Variants in TXLNA observed in about 807,000 individuals in gnomAD.
TXLNA encodes alpha-taxilin.
Under a neutral mutation model 61.4 loss-of-function variants are expected in TXLNA, and 9 were observed. The observed-to-expected ratio is 0.15, with a 90% CI of 0.09 to 0.26. The LOEUF (loss-of-function observed/expected upper bound fraction) is 0.26. TXLNA is among the 10% of genes least tolerant of loss of function. TXLNA has a pLI of 1.00. For synonymous variants in TXLNA, 257 were observed against 267.7 expected, an observed-to-expected ratio of 0.96 and a Z score of 0.39; for missense variants, 565 against 688.8, an observed-to-expected ratio of 0.82 and a Z score of 2.01.
chr1:32,184,142 A>G (rs1331363029), intron 3 of TXLNA, among the ~76,000 whole-genome samples: 4 of 152,206 alleles, frequency 2.6e-5, no homozygotes, highest in African/African-American at 9.6e-5. Flanking sequence ...TCCTACCTCT[A>G]TCAGGAGGGT....
chr1:32,187,984 A>G lies in TXLNA; in HGVS notation c.628A>G (p.Met210Val). The G allele has an allele frequency of 9.3e-6, 15 of 1,613,946 alleles. No individual in the cohort carries two copies. The highest frequency in any genetic ancestry group is 1.2e-5 in the Non-Finnish European group (14 of 1,179,912). Residue 210 changes from methionine to valine, a missense_variant, in exon 5 of 11, where the codon ATG becomes GTG. By Grantham distance (21) the Met-to-Val change is conservative. Around this residue, in one of 2 missense-constraint regions of TXLNA, gnomAD observed 373 missense variants for 504.0 expected, o/e 0.74. Coordinates refer to ENST00000373610, the MANE Select transcript of TXLNA (RefSeq NM_175852.4). ...LEEHRNSQKQMKLLQKKQSQL... is the reference protein window; with the variant it reads ...LEEHRNSQKQVKLLQKKQSQL... The stretch of plus-strand genomic sequence containing the variant: ...GGAGCACCGGAATTCACAGAAGCAG[A>G]TGAAGCTCCTACAGAAAAAGCAGAG...
intron 3 of TXLNA, among the ~76,000 whole-genome samples, chr1:32,183,860 C>T (rs964374288): frequency 3.3e-5 from 5 of 152,050 alleles, no homozygotes; most frequent in Admixed American, 2.0e-4. Flanking sequence ...CCTCAGCCTC[C>T]GGAGTAACTG....
chr1:32,188,231 G>A (rs990872928), intron 5 of TXLNA, 107 bp downstream of exon 5: 32 of 1,197,574 alleles, frequency 2.7e-5, no homozygotes, highest in South Asian at 5.0e-5. Flanking sequence ...AGGGCCAGGC[G>A]CAGTGGCACA....
chr1:32,194,541 T>C (rs1642972923), intron 10 of TXLNA, among the ~76,000 whole-genome samples: 1 of 152,186 alleles, frequency 6.6e-6, no homozygotes, highest in Admixed American at 6.5e-5. Flanking sequence ...TTTGGGTTTT[T>C]TTTGTCTTTT....
intron 10 of TXLNA, 58 bp from the exon 11 acceptor site, chr1:32,194,844 T>A (rs899386418): frequency 4.6e-6 from 7 of 1,533,396 alleles, no homozygotes; most frequent in Non-Finnish European, 6.1e-6. Flanking sequence ...CGCCAAGTGG[T>A]GATGGTAAGT....
In TXLNA at chr1:32,181,464, G is replaced by A. The variant is rs1642659227; in HGVS notation, c.392G>A (p.Gly131Glu). ...CCTGAACCAACTCCAGTAGTCAATG[G>A]AGAGAAGGAACCCTCCAAGGGGGAT... ...GEPEPTPVVN[G>E]EKEPSKGDPN... The change falls in exon 3 of 11, where the codon GGA (glycine) becomes GAA (glutamate). Residue 131 changes from glycine (G) to glutamate (E), a missense_variant. Coordinates refer to ENST00000373610, the MANE Select transcript of TXLNA (RefSeq NM_175852.4). The A allele has an allele frequency of 2.5e-6, 4 of 1,613,836 alleles. No individual in the cohort carries two copies. The highest frequency in any genetic ancestry group is 2.5e-6 in the Non-Finnish European group (3 of 1,179,888).
chr1:32,188,171 C>G (rs754956775), intron 5 of TXLNA, 47 bp downstream of exon 5: 130 of 1,503,356 alleles, frequency 8.6e-5, no homozygotes, highest in Non-Finnish European at 1.1e-4. Flanking sequence ...TCCTTGACTT[C>G]CACTTAATGT....
In TXLNA at chr1:32,195,557, G is replaced by A; in HGVS notation, c.*362G>A. The stretch of plus-strand genomic sequence containing the variant: ...TGAGCATTTCTCTGTCTGATTTGAG[G>A]CTCAGACCCCTCCCTGCCCTTCAGA... On this transcript the variant is annotated 3_prime_UTR_variant, in exon 11 of 11. Coordinates refer to ENST00000373610, the MANE Select transcript of TXLNA (RefSeq NM_175852.4). The A allele has an allele frequency of 2.4e-6, 1 of 411,422 alleles. No homozygotes were observed. The highest frequency in any genetic ancestry group is 4.6e-6 in the Non-Finnish European group (1 of 217,026). 25.5% of individuals were successfully genotyped at this position (411,422 alleles called of 1,614,324 possible).
chr1:32,189,374 G>A (rs1425557155), intron 5 of TXLNA, among the ~76,000 whole-genome samples: 1 of 152,122 alleles, frequency 6.6e-6, no homozygotes, highest in East Asian at 1.9e-4. Context: ...GCACAACTTT[G>A]CAAACCCTGG....
chr1:32,188,392 A>G (rs1290601652), intron 5 of TXLNA, among the ~76,000 whole-genome samples: 1 of 152,222 alleles, frequency 6.6e-6, no homozygotes, highest in Non-Finnish European at 1.5e-5. Context: ...TAATCCCAAC[A>G]CTTTGGGAGG....
In TXLNA at chr1:32,180,377, C is replaced by T; in HGVS notation, c.32C>T (p.Ala11Val). The T allele has an allele frequency of 6.2e-7, 1 of 1,613,814 alleles. No homozygotes were observed. The highest frequency in any genetic ancestry group is 8.5e-7 in the Non-Finnish European group (1 of 1,179,890). ...AACCAAGACAAAAAGAACGGGGCTG[C>T]CAAACAATCCAATCCAAAAAGCAGC... is the stretch of plus-strand genomic sequence containing the variant. Reference protein sequence around the residue: MKNQDKKNGAAKQSNPKSSPG... With the variant: MKNQDKKNGAVKQSNPKSSPG... The change falls in exon 2 of 11, where the codon GCC (alanine) becomes GTC (valine). Residue 11 changes from alanine to valine, a missense_variant. Transcript: ENST00000373610.
rs1210227869 is a variant in TXLNA at position 32,195,967 on chromosome 1, ATTTCTT to A, written c.*782_*787del. The A allele has an allele frequency of 1.4e-5, 2 of 146,954 alleles. No homozygotes were observed. The highest frequency in any genetic ancestry group is 2.8e-5 in the African/African-American group (1 of 36,096). The allele number at this position is 146,954 out of a possible 1,614,324, so 9.1% of individuals were successfully genotyped here. ...TATTTCTGAAGGTGTTTTTTTCTTT[ATTTCTT>A]TTTCTTTTTTTTTTTTTTTCTTTTT... On this transcript the variant is annotated 3_prime_UTR_variant, in exon 11 of 11. Coordinates refer to ENST00000373610, the MANE Select transcript of TXLNA (RefSeq NM_175852.4).
intron 3 of TXLNA, among the ~76,000 whole-genome samples, chr1:32,183,871 G>A (rs1288704003): frequency 1.3e-5 from 2 of 151,960 alleles, no homozygotes; most frequent in Admixed American, 6.6e-5. Context: ...GGAGTAACTG[G>A]GACTACAGGC....
At chr1:32,187,319 T>C (rs937852878) in intron 4 of TXLNA, among the ~76,000 whole-genome samples, 1 of 152,354 alleles carries the variant, frequency 6.6e-6, no homozygotes, top group African/African-American at 2.4e-5. Context: ...GCCAGTAGAA[T>C]ATTTTTAATT....
At position 32,193,529 on chromosome 1, in the gene TXLNA, G is replaced by T. The variant is rs1319570345; in HGVS notation, c.1251+229G>T. 3.4e-5 allele frequency among the ~76,000 whole-genome samples: 4 copies of T among 118,092 alleles called. No individual in the cohort carries two copies. In the South Asian group the frequency reaches 1.5e-3, roughly 44 times the overall value. The allele number at this position is 118,092 out of a possible 152,430, so 77.5% of individuals were successfully genotyped here. On this transcript the variant is annotated intron_variant, in intron 9 of 10. Coordinates refer to ENST00000373610, the MANE Select transcript of TXLNA (RefSeq NM_175852.4). ...TTTGTTTGGTTTTTTTGGGGGGTTT[G>T]TTGTTGTTGTTGTTGTTGTTGTTGT...
In TXLNA at chr1:32,181,411, C is replaced by T. The variant is rs1339284533; in HGVS notation, c.339C>T (p.Ser113=). 1 of 1,614,164 alleles carries T rather than the reference C, an allele frequency of 6.2e-7. No homozygotes were observed. Among genetic ancestry groups the T allele is most frequent in the South Asian group, 1.1e-5 (1 of 91,078 alleles). The change falls in exon 3 of 11, where the codon TCC becomes TCT. Residue 113 remains serine, a synonymous_variant. Transcript: ENST00000373610. ...CTGAACCCGAAGATGCAGAGAAGTC[C>T]CGGACCTATGTGGCAAGGAATGGGG... is the stretch of plus-strand genomic sequence containing the variant. ...EPAEPEDAEK[S]RTYVARNGEP...
At chr1:32,183,066 CAAAAAA>C (rs937531258) in intron 3 of TXLNA, among the ~76,000 whole-genome samples, 1 of 151,100 alleles carries the variant, frequency 6.6e-6, no homozygotes, top group Admixed American at 6.6e-5. Context: ...GACTCCATCT[CAAAAAA>C]AGAAAAAGGA....
rs1642939306 is a variant in TXLNA, at chr1:32,192,957, T to C, written c.1158+226T>C. Among the ~76,000 whole-genome samples the C allele has an allele frequency of 6.6e-6, 1 of 152,082 alleles. No individual in the cohort carries two copies. Among genetic ancestry groups the C allele is most frequent in the African/African-American group, 2.4e-5 (1 of 41,380 alleles). ...TTTGTAGCTCAGAAATGTATTGCTT[T>C]TGAGGAGGTAGGAACAGAAGAGTTT... On this transcript the variant is annotated intron_variant, in intron 8 of 10. Transcript: ENST00000373610. The surrounding 1 kb of genome is among the most constrained non-coding windows in gnomAD (Gnocchi z 4.2).
intron 4 of TXLNA, among the ~76,000 whole-genome samples, chr1:32,186,264 G>T (rs913666317): frequency 6.6e-6 from 1 of 152,192 alleles, no homozygotes; most frequent in Admixed American, 6.5e-5. Context: ...AAGGGGGCTT[G>T]GCTGTGGTAA....
Sources: gnomAD v4.1 joint callset for allele counts (sites outside exome capture counted in the v4.1 genomes callset) on GRCh38, gnomAD v4.1.1 for gene constraint, gnomAD v4.1.1 regional missense constraint, Gnocchi (gnomAD v3.1) non-coding constraint, MANE v1.5 for transcripts, NCBI Gene and HGNC (gene_info 2026-07-23, HGNC 2026-07-21) for gene names.